FER1L5: variants seen among roughly 807,000 people sequenced by gnomAD.
FER1L5 encodes fer-1 like family member 5.
FER1L5 carries 187 observed loss-of-function variants against 279.9 expected under a neutral mutation model. The observed-to-expected ratio is 0.67, with a 90% confidence interval of 0.59 to 0.75. The LOEUF (loss-of-function observed/expected upper bound fraction) is 0.75. Ranked by LOEUF, FER1L5 falls within the 30% of genes least tolerant of loss-of-function variation. FER1L5 has a pLI of 0.00. For missense variants in FER1L5, 2,091 were observed against 2,594.4 expected (o/e 0.81, Z 4.21); for synonymous variants, 921 against 989.7 (o/e 0.93, Z 1.30).
chr2:96,660,620 T>C (rs138467450), intron 10 of FER1L5, among the ~76,000 whole-genome samples: 2 of 152,372 alleles, frequency 1.3e-5, no homozygotes, highest in East Asian at 3.9e-4. Flanking sequence ...AGTGGCTCAA[T>C]CTTGGCTCAC....
Position 96,668,808 on chromosome 2 carries a change from T to C in FER1L5, c.1184+14T>C. ...AGTCTTGGACTGGTGAGCAACCTGG[T>C]GGAGGCTGAAGCACACAGGGAAGGA... On this transcript the variant is annotated intron_variant, in intron 15 of 52. Coordinates refer to ENST00000624922, the MANE Select transcript of FER1L5 (RefSeq NM_001293083.2). 1 of 1,551,572 alleles carries C rather than the reference T, an allele frequency of 6.4e-7. No individual in the cohort carries two copies. Among genetic ancestry groups the C allele is most frequent in the Non-Finnish European group, 8.7e-7 (1 of 1,146,986 alleles).
intron 9 of FER1L5, among the ~76,000 whole-genome samples, chr2:96,656,686 G>C (rs1464963606): frequency 1.3e-5 from 2 of 151,600 alleles, no homozygotes; most frequent in East Asian, 3.9e-4. Flanking sequence ...CTCATTGCAA[G>C]TGGTTAATAT....
rs758080890 is a variant in FER1L5, at chr2:96,704,553, C to A, written c.6035C>A (p.Thr2012Asn). The A allele has an allele frequency of 1.9e-6, 3 of 1,613,936 alleles. No individual in the cohort carries two copies. The highest frequency in any genetic ancestry group is 3.3e-5 in the Admixed American group (2 of 60,018). ...TTCAATATCATCAATTCACTAAACA[C>A]CAGCAACGCCAGCTCTTCCATCCTT... ...KIFNIINSLN[T>N]SNASSSILPT... Residue 2012 changes from threonine (T) to asparagine (N), a missense_variant, in exon 53 of 53, where the codon ACC becomes AAC. Thr to Asn is a moderately conservative substitution (Grantham distance 65, BLOSUM62 0). Coordinates refer to ENST00000624922, the MANE Select transcript of FER1L5 (RefSeq NM_001293083.2).
In FER1L5 at chr2:96,691,498, G is replaced by A. The variant is rs778795121; in HGVS notation, c.2961G>A (p.Lys987=). The change falls in exon 29 of 53, where the codon AAG becomes AAA. Residue 987 remains lysine (K), a synonymous_variant. Transcript: ENST00000624922. This position sits in a 1 kb window ranked among gnomAD's most constrained non-coding sequence, Gnocchi z 6.0. ...EGWEYDTFGS[K]FHLNPQPQSR... is the part of the protein sequence containing the mutation. Reference sequence around the variant, plus strand: ...GGGAGTATGACACCTTCGGCTCCAAGTTCCACCTCAACCCTCAGCCCCAGA... The same window carrying A: ...GGGAGTATGACACCTTCGGCTCCAAATTCCACCTCAACCCTCAGCCCCAGA... 2.6e-6 allele frequency: 4 copies of A among 1,549,958 alleles called. No individual in the cohort carries two copies. The highest frequency in any genetic ancestry group is 1.2e-5 in the South Asian group (1 of 83,824).
At position 96,701,980 on chromosome 2, in the gene FER1L5, T is replaced by A; in HGVS notation, c.5096T>A (p.Ile1699Asn). 6.2e-7 allele frequency: 1 copy of A among 1,613,944 alleles called. No individual in the cohort carries two copies. ...DQGKVQMWVD[I>N]FPKKLGPPGP... ...GGAAAGGTGCAAATGTGGGTGGACA[T>A]CTTCCCCAAGAAGCTGGGGCCTCCT... Residue 1699 changes from isoleucine to asparagine, a missense_variant, in exon 46 of 53, where the codon ATC becomes AAC. Transcript: ENST00000624922.
intron 50 of FER1L5, 28 bp from the exon 51 acceptor site, chr2:96,703,495 G>C: frequency 6.2e-7 from 1 of 1,613,028 alleles, no homozygotes; most frequent in Admixed American, 1.7e-5. Context: ...TCTGCACTCA[G>C]CCTCCCCCTC....
At chr2:96,686,628 G>A (rs985253704) in intron 23 of FER1L5, among the ~76,000 whole-genome samples, 21 of 152,032 alleles carry the variant, frequency 1.4e-4, no homozygotes, top group Non-Finnish European at 7.4e-5. Flanking sequence ...GCTGAGGCGG[G>A]TGGATCACCT....
chr2:96,692,916 A>G (rs1006217004), intron 31 of FER1L5, among the ~76,000 whole-genome samples: 2 of 152,098 alleles, frequency 1.3e-5, no homozygotes, highest in Non-Finnish European at 2.9e-5. Flanking sequence ...GGTGACTCAC[A>G]CCTGTAATTC....
chr2:96,685,520 C>T lies in FER1L5; in HGVS notation c.1895+91C>T, dbSNP rs570266509. 8 of 1,093,280 alleles carry T rather than the reference C, an allele frequency of 7.3e-6. No individual in the cohort carries two copies. In the East Asian group the frequency reaches 2.1e-4, roughly 29 times the overall value. 67.7% of individuals were successfully genotyped at this position (1,093,280 alleles called of 1,614,324 possible). On this transcript the variant is annotated intron_variant, in intron 21 of 52. Coordinates refer to ENST00000624922, the MANE Select transcript of FER1L5 (RefSeq NM_001293083.2). ...CAGCGCAGTGCCCTGAACACCTCCC[C>T]CCGCCCTCCTCGGGGAGGAGCACTG...
At chr2:96,660,809 T>C (rs531751648) in intron 10 of FER1L5, among the ~76,000 whole-genome samples, 8 of 152,250 alleles carry the variant, frequency 5.3e-5, no homozygotes, top group South Asian at 2.1e-4. Flanking sequence ...CCGCTTCAGC[T>C]TCCCAAAGTG....
At chr2:96,688,058 G>T in intron 24 of FER1L5, 111 bp downstream of exon 24, 1 of 1,399,374 alleles carries the variant, frequency 7.1e-7, no homozygotes, top group South Asian at 1.3e-5. Flanking sequence ...TGAGAAGGGA[G>T]GGTGTAGCTG....
At chr2:96,683,678 G>C (rs1350372962) in intron 19 of FER1L5, among the ~76,000 whole-genome samples, 1 of 152,132 alleles carries the variant, frequency 6.6e-6, no homozygotes, top group Non-Finnish European at 1.5e-5. Context: ...CCAAAGAAAA[G>C]CACAAGTTCT....
intron 8 of FER1L5, chr2:96,654,020 G>C (rs996703715): frequency 2.5e-6 from 1 of 400,182 alleles, no homozygotes; most frequent in Non-Finnish European, 4.5e-6. Flanking sequence ...ACCAAAGGGA[G>C]CCAGTAACAA....
Position 96,693,983 on chromosome 2 carries a change from C to A in FER1L5, c.3547C>A (p.Pro1183Thr), listed in dbSNP as rs1398381510. The change falls in exon 33 of 53, where the codon CCC becomes ACC. Residue 1183 changes from proline (P) to threonine (T), a missense_variant. By Grantham distance (38) the Pro-to-Thr change is conservative. Transcript: ENST00000624922. ...GCTGGATCTCCAGGACCGGATCCTG[C>A]CCCCCATGAGGTGGCATCCCCTTGT... ...VWLDLQDRILPPMRWHPLVKE... is the reference protein window; with the variant it reads ...VWLDLQDRILTPMRWHPLVKE... The A allele has an allele frequency of 6.4e-7, 1 of 1,551,398 alleles. No individual in the cohort carries two copies. The highest frequency in any genetic ancestry group is 1.7e-4 in the Middle Eastern group (1 of 5,990).
chr2:96,689,502 C>T lies in FER1L5; in HGVS notation c.2525+126C>T, dbSNP rs995937116. ...TGCCAGAGGGCCGAGGTGCACCAGG[C>T]CAAGGGCCCTGCCCACCACCCTGTC... On this transcript the variant is annotated intron_variant, in intron 25 of 52. Transcript: ENST00000624922. This position sits in a 1 kb window ranked among gnomAD's most constrained non-coding sequence, Gnocchi z 4.6. The T allele has an allele frequency of 6.8e-6, 10 of 1,466,462 alleles. No individual in the cohort carries two copies. The Admixed American group carries it at 1.3e-4, about 19-fold the overall frequency. The allele number at this position is 1,466,462 out of a possible 1,614,324, so 90.8% of individuals were successfully genotyped here.
chr2:96,693,832 TG>T, intron 32 of FER1L5, 78 bp from the exon 33 acceptor site: 1 of 1,479,418 alleles, frequency 6.8e-7, no homozygotes, highest in Non-Finnish European at 9.0e-7. Context: ...TGCCAGCTGT[TG>T]CCCTTGCCTT....
At position 96,658,694 on chromosome 2, in the gene FER1L5, CT is replaced by C. The variant is rs572935465; in HGVS notation, c.748-1641del. On this transcript the variant is annotated intron_variant, in intron 9 of 52. Transcript: ENST00000624922. ...CTCCACAATACTTGATCTAGTCCATCTTTTTTATTTTAGCCATTCTAATGGT... is the reference window on the plus strand; with the variant it reads ...CTCCACAATACTTGATCTAGTCCATCTTTTTATTTTAGCCATTCTAATGGT... 3.9e-4 allele frequency among the ~76,000 whole-genome samples: 60 copies of C among 152,228 alleles called. 2 individuals carry two copies. In the South Asian group the frequency reaches 6.5e-3, roughly 16 times the overall value.
intron 14 of FER1L5, 55 bp from the exon 15 acceptor site, chr2:96,668,696 G>A (rs2076215299): frequency 2.6e-6 from 4 of 1,547,372 alleles, no homozygotes; most frequent in Admixed American, 3.9e-5. Flanking sequence ...AAATCTCCAC[G>A]AGGGCCAGAC....
chr2:96,691,563 CCAA>C lies in FER1L5; in HGVS notation c.3030_3032del (p.Asn1010del). 1 of 1,548,686 alleles carries C rather than the reference CCAA, an allele frequency of 6.5e-7. No individual in the cohort carries two copies. Among genetic ancestry groups the C allele is most frequent in the Non-Finnish European group, 8.7e-7 (1 of 1,145,844 alleles). ...CGCTGCTGGCGCCGCAGGCTGGCCC[CCAA>C]CAAGGACAAGGGCATCGCGCCCATA... On this transcript the variant is annotated inframe_deletion, in exon 29 of 53. Transcript: ENST00000624922. The surrounding 1 kb of genome is among the most constrained non-coding windows in gnomAD (Gnocchi z 6.0).
Sources: allele counts gnomAD v4.1 joint callset (sites outside exome capture counted in the v4.1 genomes callset), GRCh38; gene constraint gnomAD v4.1.1; non-coding constraint Gnocchi (gnomAD v3.1); transcripts MANE v1.5; gene names NCBI Gene and HGNC (gene_info 2026-07-23, HGNC 2026-07-21).